FSTL5: variants seen among roughly 807,000 people sequenced by gnomAD.
FSTL5 encodes the protein follistatin-related protein 5.
FSTL5 carries 62 observed loss-of-function variants against 89.1 expected under a neutral mutation model. The ratio of observed to expected loss-of-function variants is 0.70; its 90% confidence interval spans 0.57 to 0.86. The LOEUF (loss-of-function observed/expected upper bound fraction) is 0.86, where lower values mean the gene tolerates loss of function less well. Among genes scored for constraint, FSTL5 ranks in the 40% least tolerant of loss-of-function variants. The pLI is 0.00. For missense variants in FSTL5, 1,057 were observed against 1,001.6 expected (o/e 1.06, Z -0.75); for synonymous variants, 383 against 346.2 (o/e 1.11, Z -1.18).
chr4:161,905,625 T>C (rs1440606), intron 4 of FSTL5, among the ~76,000 whole-genome samples: 125,627 of 152,060 alleles, frequency 0.83, 52,542 homozygotes, highest in Non-Finnish European at 0.89. Flanking sequence ...ATGAAGAGCA[T>C]AACCTTTGCC....
intron 2 of FSTL5, among the ~76,000 whole-genome samples, chr4:162,035,805 CAT>C (rs1479130482): frequency 6.6e-6 from 1 of 152,098 alleles, no homozygotes; most frequent in Non-Finnish European, 1.5e-5. Flanking sequence ...GTGACAAAAA[CAT>C]AGAACAATGT....
At chr4:162,085,219 T>A (rs1730262987) in intron 2 of FSTL5, among the ~76,000 whole-genome samples, 1 of 152,108 alleles carries the variant, frequency 6.6e-6, no homozygotes, top group Non-Finnish European at 1.5e-5. Flanking sequence ...TTGAATAGAC[T>A]GGTGAAAATT....
At chr4:161,566,119 T>C (rs1217724656) in intron 8 of FSTL5, among the ~76,000 whole-genome samples, 1 of 111,030 alleles carries the variant, frequency 9.0e-6, no homozygotes, top group African/African-American at 3.6e-5. Flanking sequence ...TATATATATA[T>C]ATATATATAT....
rs755132027 is a variant in FSTL5, at chr4:161,510,438, AAAGAAAAAG to A, written c.1313-23_1313-15del. On this transcript the variant is annotated splice_polypyrimidine_tract_variant and intron_variant, in intron 10 of 15. Coordinates refer to ENST00000306100, the MANE Select transcript of FSTL5 (RefSeq NM_020116.5). ...ATATGTTAGCTACTGCAGCATGTTG[AAAGAAAAAG>A]AAGAAAAAGAAAAATGAGTAAAGAG... 1 of 1,504,094 alleles carries A rather than the reference AAAGAAAAAG, an allele frequency of 6.6e-7. No individual in the cohort carries two copies. The highest frequency in any genetic ancestry group is 2.4e-5 in the Admixed American group (1 of 42,178). The allele number at this position is 1,504,094 out of a possible 1,614,324, so 93.2% of individuals were successfully genotyped here. A position where few individuals can be genotyped will look rare whatever the true frequency, so the allele number is the denominator to read the frequency against.
chr4:161,778,094 A>T (rs1371019272), intron 4 of FSTL5, among the ~76,000 whole-genome samples: 1 of 9,440 alleles, frequency 1.1e-4, no homozygotes, highest in South Asian at 2.9e-3. Flanking sequence ...ACTCCGTATC[A>T]CACACACACA....
At chr4:161,687,453 T>G (rs537728359) in intron 6 of FSTL5, among the ~76,000 whole-genome samples, 22 of 152,346 alleles carry the variant, frequency 1.4e-4, no homozygotes, top group African/African-American at 3.8e-4. Flanking sequence ...CTTTTTAAAT[T>G]TATTATGTTT....
intron 3 of FSTL5, among the ~76,000 whole-genome samples, chr4:161,962,577 G>A (rs536970865): frequency 9.1e-4 from 138 of 151,126 alleles, no homozygotes; most frequent in Middle Eastern, 6.8e-3. Context: ...TAATGAGCCC[G>A]CATTGCTCAT....
intron 3 of FSTL5, among the ~76,000 whole-genome samples, chr4:162,009,533 C>T (rs1283816644): frequency 3.3e-5 from 5 of 152,018 alleles, no homozygotes; most frequent in Non-Finnish European, 5.9e-5. Context: ...AAAAAGCACT[C>T]CTTGGATTCA....
intron 6 of FSTL5, among the ~76,000 whole-genome samples, chr4:161,683,051 T>A (rs1737582062): frequency 6.6e-6 from 1 of 152,166 alleles, no homozygotes; most frequent in Non-Finnish European, 1.5e-5. Flanking sequence ...GGCCAACTTT[T>A]CTTTTTTAAT....
At chr4:161,782,208 G>A (rs971523214) in intron 4 of FSTL5, among the ~76,000 whole-genome samples, 5 of 152,308 alleles carry the variant, frequency 3.3e-5, no homozygotes, top group Middle Eastern at 3.4e-3. Context: ...ACATCTGTGT[G>A]AAGGTTTCTG....
At chr4:162,091,795 T>A (rs1730559826) in intron 2 of FSTL5, among the ~76,000 whole-genome samples, 1 of 152,084 alleles carries the variant, frequency 6.6e-6, no homozygotes, top group South Asian at 2.1e-4. Flanking sequence ...AAAAAAATTA[T>A]AATCAACACA....
intron 6 of FSTL5, among the ~76,000 whole-genome samples, chr4:161,725,943 A>G (rs903858539): frequency 2.6e-5 from 4 of 152,322 alleles, no homozygotes; most frequent in African/African-American, 9.6e-5. Context: ...TTTTAATGCC[A>G]AAAACCACAG....
In FSTL5 at chr4:161,398,301, T is replaced by C. The variant is rs1040113114; in HGVS notation, c.1842-11852A>G. ...CTTAAACAATGAACCTTCCACCAAATGAAATTCCACGCTGCAGTTGTAAAA... is the reference window on the plus strand; with the variant it reads ...CTTAAACAATGAACCTTCCACCAAACGAAATTCCACGCTGCAGTTGTAAAA... On this transcript the variant is annotated intron_variant, in intron 15 of 15. Coordinates refer to ENST00000306100, the MANE Select transcript of FSTL5 (RefSeq NM_020116.5). Among the ~76,000 whole-genome samples, 17 of 152,170 alleles carry C rather than the reference T, an allele frequency of 1.1e-4. No individual in the cohort carries two copies. The East Asian group carries it at 3.1e-3, about 28-fold the overall frequency.
chr4:161,482,302 C>T (rs913965425), intron 12 of FSTL5, among the ~76,000 whole-genome samples: 2 of 150,828 alleles, frequency 1.3e-5, no homozygotes, highest in African/African-American at 2.5e-5. Context: ...GGTGACAGAG[C>T]GAGACTCCGT....
chr4:161,724,265 G>T (rs6835081), intron 6 of FSTL5, among the ~76,000 whole-genome samples: 52,423 of 151,938 alleles, frequency 0.35, 9,899 homozygotes, highest in Middle Eastern at 0.52. Flanking sequence ...TCCTGCTCCT[G>T]AGCCAACACC....
chr4:161,695,588 C>T (rs1034674544), intron 6 of FSTL5, among the ~76,000 whole-genome samples: 5 of 151,976 alleles, frequency 3.3e-5, no homozygotes, highest in African/African-American at 1.2e-4. Context: ...CATGCATGTG[C>T]AAGTATCATT....
At chr4:161,476,591 A>T (rs1734159081) in intron 13 of FSTL5, among the ~76,000 whole-genome samples, 1 of 151,938 alleles carries the variant, frequency 6.6e-6, no homozygotes, top group East Asian at 1.9e-4. Context: ...CTTCTAAGGT[A>T]TTTTTCTGAG....
intron 2 of FSTL5, among the ~76,000 whole-genome samples, chr4:162,102,145 A>C (rs2111385066): frequency 6.6e-6 from 1 of 152,198 alleles, no homozygotes; most frequent in East Asian, 1.9e-4. Context: ...TTTCCACAGA[A>C]ATTGTGAGAA....
At chr4:161,584,040 TTC>T (rs1289999706) in intron 8 of FSTL5, among the ~76,000 whole-genome samples, 1 of 152,150 alleles carries the variant, frequency 6.6e-6, no homozygotes, top group African/African-American at 2.4e-5. Flanking sequence ...GAATCTTTTT[TTC>T]TCTCATGGCC....
Sources: allele counts gnomAD v4.1 joint callset (sites outside exome capture counted in the v4.1 genomes callset), GRCh38; gene constraint gnomAD v4.1.1; transcripts MANE v1.5; gene names NCBI Gene and HGNC (gene_info 2026-07-23, HGNC 2026-07-21).